The following PTK2 variants were observed in gnomAD, a reference collection of about 807,000 sequenced individuals.
PTK2 encodes the protein focal adhesion kinase 1.
A neutral mutation model predicts 150.1 loss-of-function variants in PTK2; 45 were observed. That is an observed-to-expected ratio of 0.30 (90% CI 0.24 to 0.38). PTK2 has a LOEUF of 0.38. Among genes scored for constraint, PTK2 ranks in the 10% least tolerant of loss-of-function variants. The pLI, the probability that PTK2 is intolerant of heterozygous loss-of-function variation, is 1.00. For synonymous variants in PTK2, 432 were observed against 449.2 expected (o/e 0.96, Z 0.48); for missense variants, 919 against 1,307.3 (o/e 0.70, Z 4.58).
chr8:140,852,568 G>A (rs2100129975), intron 5 of PTK2, among the ~76,000 whole-genome samples: 1 of 152,070 alleles, frequency 6.6e-6, no homozygotes, highest in African/African-American at 2.4e-5. Flanking sequence ...GTAATTACTG[G>A]ACTGTATACA....
At chr8:140,847,055 C>T (rs10094003) in intron 5 of PTK2, among the ~76,000 whole-genome samples, 62,962 of 151,870 alleles carry the variant, frequency 0.41, 14,822 homozygotes, top group Non-Finnish European at 0.54. Context: ...TAAGAAACAA[C>T]GAATAGGGTC....
chr8:140,925,018 G>T (rs1488481795), intron 2 of PTK2, among the ~76,000 whole-genome samples: 2 of 152,074 alleles, frequency 1.3e-5, no homozygotes, highest in Admixed American at 6.5e-5. Context: ...ATATGAGAAG[G>T]TCCCTGGGAA....
chr8:140,776,643 G>A (rs926826301), intron 14 of PTK2, among the ~76,000 whole-genome samples: 46 of 152,212 alleles, frequency 3.0e-4, no homozygotes, highest in African/African-American at 1.1e-3. Flanking sequence ...TGGAGAAGGG[G>A]AGAGAAGCAG....
rs1007235293 is a variant in PTK2 at position 140,922,287 on chromosome 8, C to T, written c.-33+3374G>A. 1.3e-5 allele frequency among the ~76,000 whole-genome samples: 2 copies of T among 151,966 alleles called. 1 individual carries two copies. Among genetic ancestry groups the T allele is most frequent in the Non-Finnish European group, 2.9e-5 (2 of 67,994 alleles). ...AGTTCAAGTGACCTCTTCTATGCTC[C>T]ACTGAAAACATATCATTCACCAGCA... On this transcript the variant is annotated intron_variant, in intron 2 of 31. Transcript: ENST00000522684.
chr8:140,923,862 G>C (rs974668813), intron 2 of PTK2, among the ~76,000 whole-genome samples: 2 of 152,130 alleles, frequency 1.3e-5, no homozygotes, highest in African/African-American at 4.8e-5. Flanking sequence ...GGCCCAGGCT[G>C]CCTGGATTAC....
intron 22 of PTK2, among the ~76,000 whole-genome samples, chr8:140,734,469 T>C (rs2100051386): frequency 6.6e-6 from 1 of 152,186 alleles, no homozygotes; most frequent in South Asian, 2.1e-4. Context: ...TAAGACACAA[T>C]GATGCCCGTC....
chr8:140,684,067 A>G (rs892238102), intron 27 of PTK2, among the ~76,000 whole-genome samples: 1 of 152,234 alleles, frequency 6.6e-6, no homozygotes, highest in Non-Finnish European at 1.5e-5. Context: ...GAAGAGATCA[A>G]ACTTCTGTGT....
chr8:140,669,725 A>G lies in PTK2; in HGVS notation c.2710-1301T>C. 6.5e-7 allele frequency: 1 copy of G among 1,534,154 alleles called. No homozygotes were observed. Among genetic ancestry groups the G allele is most frequent in the Non-Finnish European group, 8.7e-7 (1 of 1,145,232 alleles). On this transcript the variant is annotated intron_variant, in intron 29 of 31. Coordinates refer to ENST00000522684, the Ensembl canonical transcript of PTK2. ...AGACACACAAAGACACGATGTGCTT[A>G]CCCTCCATGGCTATTGTCGAACGGA...
At chr8:140,687,121 A>T (rs2100020397) in intron 26 of PTK2, 1 of 176,974 alleles carries the variant, frequency 5.7e-6, no homozygotes, top group South Asian at 1.4e-4. Flanking sequence ...CTGTTTTCCC[A>T]CACTGCATCT....
At chr8:140,955,935 T>A (rs1019336406) in intron 1 of PTK2, among the ~76,000 whole-genome samples, 2 of 152,178 alleles carry the variant, frequency 1.3e-5, no homozygotes, top group African/African-American at 2.4e-5. Context: ...TCCCCAACCA[T>A]GACAGAAGAC....
intron 17 of PTK2, among the ~76,000 whole-genome samples, chr8:140,749,953 G>C (rs891983393): frequency 5.9e-5 from 9 of 152,170 alleles, no homozygotes; most frequent in Non-Finnish European, 1.0e-4. Context: ...TTTAGGAAAA[G>C]ATAACCAATT....
intron 12 of PTK2, 69 bp from the exon 13 acceptor site, chr8:140,793,453 C>G: frequency 6.4e-7 from 1 of 1,556,718 alleles, no homozygotes; most frequent in Admixed American, 1.8e-5. Context: ...TGCCTAGAAT[C>G]AGGGAGGAAG....
chr8:140,936,988 C>T (rs1430570701), intron 1 of PTK2, among the ~76,000 whole-genome samples: 1 of 151,722 alleles, frequency 6.6e-6, no homozygotes, highest in Admixed American at 6.6e-5. Context: ...ATCTTAATAG[C>T]TAATAAAGTA....
At chr8:140,789,342 C>A in intron 14 of PTK2, 132 bp downstream of exon 14, 3 of 789,732 alleles carry the variant, frequency 3.8e-6, no homozygotes, top group Admixed American at 3.0e-5. Context: ...TAAAATTATG[C>A]AAATTTGGAT....
At chr8:140,762,317 C>T in intron 15 of PTK2, 51 bp downstream of exon 18, 1 of 1,075,918 alleles carries the variant, frequency 9.3e-7, no homozygotes, top group Non-Finnish European at 1.2e-6. Context: ...CATATCACTC[C>T]ACAGGTTGCA....
chr8:140,669,333 A>ATATATG (rs2094363170), intron 29 of PTK2: 1 of 143,642 alleles, frequency 7.0e-6, no homozygotes, highest in African/African-American at 2.6e-5. Flanking sequence ...ATATATATAT[A>ATATATG]TATATATACA....
intron 2 of PTK2, among the ~76,000 whole-genome samples, chr8:140,923,770 C>A (rs1250681570): frequency 1.3e-5 from 2 of 152,196 alleles, no homozygotes; most frequent in South Asian, 4.1e-4. Context: ...GTAAATCCTA[C>A]TTGAAAAGTA....
Position 140,999,671 on chromosome 8 carries a change from G to C in PTK2, c.-122+1454C>G, listed in dbSNP as rs117471148. ...TTCATCCGTGTGCTTGCATCGCACT[G>C]CTCATAAGTTTTCAAATATGGGACG... On this transcript the variant is annotated intron_variant, in intron 1 of 31. Transcript: ENST00000522684. Among the ~76,000 whole-genome samples the C allele has an allele frequency of 2.5e-3, 379 of 152,296 alleles. 2 individuals carry two copies. The highest frequency in any genetic ancestry group is 3.8e-3 in the Non-Finnish European group (259 of 68,026).
chr8:140,877,351 A>G (rs1003813800), intron 4 of PTK2, among the ~76,000 whole-genome samples: 2 of 152,080 alleles, frequency 1.3e-5, no homozygotes, highest in African/African-American at 2.4e-5. Flanking sequence ...ACTAATCTTA[A>G]AAGCCTAGCT....
Sources: allele counts gnomAD v4.1 joint callset (sites outside exome capture counted in the v4.1 genomes callset), GRCh38; gene constraint gnomAD v4.1.1; transcripts MANE v1.5; gene names NCBI Gene and HGNC (gene_info 2026-07-23, HGNC 2026-07-21).